PLD5: variants seen among roughly 807,000 people sequenced by gnomAD.
PLD5 encodes the protein inactive phospholipase D5.
PLD5 carries 36 observed loss-of-function variants against 61.1 expected under a neutral mutation model. The observed-to-expected ratio is 0.59, with a 90% CI of 0.45 to 0.78. The LOEUF (loss-of-function observed/expected upper bound fraction) is 0.78, where lower values mean the gene tolerates loss of function less well. Ranked by LOEUF, PLD5 falls within the 30% of genes least tolerant of loss-of-function variation. PLD5 has a pLI of 0.00. For synonymous variants in PLD5, 243 were observed against 242.8 expected, an observed-to-expected ratio of 1.00 and a Z score of -0.01; for missense variants, 515 against 644.4, an observed-to-expected ratio of 0.80 and a Z score of 2.17.
chr1:242,366,583 A>G (rs1661352343), intron 1 of PLD5, among the ~76,000 whole-genome samples: 1 of 152,132 alleles, frequency 6.6e-6, no homozygotes, highest in Non-Finnish European at 1.5e-5. Flanking sequence ...AATGGCAACA[A>G]ATTACCATTA....
At chr1:242,464,786 G>A (rs1247772697) in intron 1 of PLD5, among the ~76,000 whole-genome samples, 4 of 152,184 alleles carry the variant, frequency 2.6e-5, no homozygotes, top group Non-Finnish European at 4.4e-5. Flanking sequence ...AGCACAACAT[G>A]GTGTCTATCC....
At chr1:242,229,465 C>T (rs1671159222) in intron 4 of PLD5, among the ~76,000 whole-genome samples, 1 of 152,150 alleles carries the variant, frequency 6.6e-6, no homozygotes, top group African/African-American at 2.4e-5. Context: ...AAATGTACTA[C>T]TATTAAAGCT....
chr1:242,138,055 T>C (rs948027966), intron 5 of PLD5, among the ~76,000 whole-genome samples: 1 of 152,196 alleles, frequency 6.6e-6, no homozygotes, highest in Non-Finnish European at 1.5e-5. Flanking sequence ...AATGTGTGCA[T>C]ACCACGTATA....
chr1:242,437,497 G>A (rs920318564), intron 1 of PLD5, among the ~76,000 whole-genome samples: 1 of 152,126 alleles, frequency 6.6e-6, no homozygotes, highest in Non-Finnish European at 1.5e-5. Context: ...AGGAGTTCAA[G>A]ACCAGCCTGG....
rs539264137 is a variant in PLD5, at chr1:242,440,067, C to T, written c.189+84021G>A. 3.3e-4 allele frequency among the ~76,000 whole-genome samples: 51 copies of T among 152,262 alleles called. No homozygotes were observed. The South Asian group carries it at 0.01, about 31-fold the overall frequency. On this transcript the variant is annotated intron_variant, in intron 1 of 9. Transcript: ENST00000536534. ...ATACATAATAATTGGAAACACTTAA[C>T]ACATAGAATAGGGGATAAATGGAGC...
rs576448268 is a variant in PLD5 at position 242,089,026 on chromosome 1, G to C, written c.*828C>G. ...CTTGATAGCTTGCTGGATATTAGCA[G>C]GTGGCTACATAATTTTTCTGAGCTT... is the stretch of plus-strand genomic sequence containing the variant. On this transcript the variant is annotated 3_prime_UTR_variant, in exon 10 of 10. Coordinates refer to ENST00000536534, the MANE Select transcript of PLD5 (RefSeq NM_001372062.1). The C allele has an allele frequency of 1.1e-3, 331 of 302,688 alleles. 1 individual carries two copies. Among genetic ancestry groups the C allele is most frequent in the Non-Finnish European group, 1.7e-3 (289 of 166,296 alleles). 18.8% of individuals were successfully genotyped at this position (302,688 alleles called of 1,614,324 possible). A position where few individuals can be genotyped will look rare whatever the true frequency, so the allele number is the denominator to read the frequency against.
intron 1 of PLD5, among the ~76,000 whole-genome samples, chr1:242,399,673 G>C (rs537796964): frequency 1.3e-5 from 2 of 152,002 alleles, no homozygotes; most frequent in Non-Finnish European, 2.9e-5. Flanking sequence ...TATATCGGGG[G>C]TCCCCAATCC....
At chr1:242,499,064 C>G (rs985509812) in intron 1 of PLD5, among the ~76,000 whole-genome samples, 3 of 152,166 alleles carry the variant, frequency 2.0e-5, no homozygotes, top group African/African-American at 7.2e-5. Context: ...ACAATTTACT[C>G]TCCCCAAAAG....
intron 2 of PLD5, among the ~76,000 whole-genome samples, chr1:242,340,289 G>T (rs1659755423): frequency 6.6e-6 from 1 of 152,080 alleles, no homozygotes; most frequent in Admixed American, 6.6e-5. Context: ...TAGGCAGTCA[G>T]AAGAGTGCTC....
intron 1 of PLD5, among the ~76,000 whole-genome samples, chr1:242,459,515 G>A (rs1389674090): frequency 2.0e-5 from 3 of 152,194 alleles, no homozygotes; most frequent in Admixed American, 2.0e-4. Context: ...ATCCAATTGT[G>A]ATCAGCGCCA....
intron 5 of PLD5, among the ~76,000 whole-genome samples, chr1:242,132,022 A>G (rs1972821): frequency 0.76 from 114,631 of 151,080 alleles, 43,735 homozygotes; most frequent in South Asian, 0.88. Flanking sequence ...GTAGAGATAG[A>G]GTTTCACCAT....
intron 9 of PLD5, among the ~76,000 whole-genome samples, chr1:242,096,117 C>T (rs1359993876): frequency 6.6e-6 from 1 of 152,078 alleles, no homozygotes; most frequent in South Asian, 2.1e-4. Context: ...CGCCACCACA[C>T]CCAGCTAATT....
At chr1:242,483,436 T>C (rs923448188) in intron 1 of PLD5, among the ~76,000 whole-genome samples, 23 of 151,968 alleles carry the variant, frequency 1.5e-4, no homozygotes, top group Non-Finnish European at 2.6e-4. Context: ...AGACTTTAAA[T>C]CAGCAAAGAT....
intron 1 of PLD5, among the ~76,000 whole-genome samples, chr1:242,416,264 T>G (rs373345819): frequency 3.3e-5 from 5 of 152,140 alleles, no homozygotes; most frequent in African/African-American, 9.7e-5. Flanking sequence ...AGGTTGGCCA[T>G]ACATTGATAA....
intron 5 of PLD5, 51 bp from the exon 6 acceptor site, chr1:242,124,716 ATTTTC>A: frequency 6.7e-7 from 1 of 1,482,216 alleles, no homozygotes; most frequent in Admixed American, 1.9e-5. Flanking sequence ...TTTTGGTGTT[ATTTTC>A]AGAGAAAAAA....
intron 5 of PLD5, among the ~76,000 whole-genome samples, chr1:242,132,626 G>A (rs568216709): frequency 4.4e-4 from 67 of 152,130 alleles, no homozygotes; most frequent in Non-Finnish European, 6.0e-4. Flanking sequence ...TTTTTGTTAC[G>A]GGGGATAGAA....
At chr1:242,119,122 A>T (rs768922244) in intron 6 of PLD5, among the ~76,000 whole-genome samples, 1 of 152,136 alleles carries the variant, frequency 6.6e-6, no homozygotes, top group Non-Finnish European at 1.5e-5. Flanking sequence ...GAGGGACCTG[A>T]CTTCTAGGTT....
chr1:242,529,951 C>T, the PLD5 span, among the ~76,000 whole-genome samples: 1 of 152,118 alleles, frequency 6.6e-6, no homozygotes, highest in South Asian at 2.1e-4. Flanking sequence ...GCACCACAAC[C>T]TCCACCTCCT....
chr1:242,136,558 C>G (rs1410987640), intron 5 of PLD5, among the ~76,000 whole-genome samples: 1 of 152,110 alleles, frequency 6.6e-6, no homozygotes, highest in Admixed American at 6.6e-5. Context: ...TGAACTGAAT[C>G]CTTGTCTAAT....
Sources: gnomAD v4.1 joint callset for allele counts (sites outside exome capture counted in the v4.1 genomes callset) on GRCh38, gnomAD v4.1.1 for gene constraint, MANE v1.5 for transcripts, NCBI Gene and HGNC (gene_info 2026-07-23, HGNC 2026-07-21) for gene names.